Variants in CHCHD3 observed in about 807,000 individuals in gnomAD.
The protein encoded by CHCHD3 is MICOS complex subunit MIC19.
In CHCHD3, 20 loss-of-function variants were observed where a neutral mutation model predicts 38.2. The observed-to-expected ratio is 0.52, with a 90% CI of 0.37 to 0.76. CHCHD3 has a LOEUF of 0.76. Ranked by LOEUF, CHCHD3 falls within the 30% of genes least tolerant of loss-of-function variation. The pLI is 0.00. For missense variants in CHCHD3, 245 were observed against 279.2 expected (o/e 0.88, Z 0.87); for synonymous variants, 82 against 100.0 (o/e 0.82, Z 1.07).
intron 2 of CHCHD3, among the ~76,000 whole-genome samples, chr7:133,043,233 T>C (rs1485706707): frequency 2.0e-5 from 3 of 152,200 alleles, no homozygotes; most frequent in South Asian, 2.1e-4. Flanking sequence ...ATTTAACTTG[T>C]TGCAGCCTTT....
intron 1 of CHCHD3, among the ~76,000 whole-genome samples, chr7:133,077,058 TTA>T (rs1815011369): frequency 1.1e-5 from 1 of 93,138 alleles, no homozygotes; most frequent in Non-Finnish European, 2.9e-5. Flanking sequence ...TCCCAAATAG[TTA>T]GTTAAGAGAA....
At chr7:132,811,916 G>A (rs182569844) in intron 6 of CHCHD3, among the ~76,000 whole-genome samples, 57 of 152,158 alleles carry the variant, frequency 3.7e-4, no homozygotes, top group Middle Eastern at 6.8e-3. Context: ...TGTGTTGGTC[G>A]CTATCTAATT....
chr7:133,006,558 T>C (rs1342874444), intron 3 of CHCHD3, among the ~76,000 whole-genome samples: 2 of 152,094 alleles, frequency 1.3e-5, no homozygotes, highest in African/African-American at 2.4e-5. Flanking sequence ...CATGGTCATA[T>C]GGGCATAACA....
intron 3 of CHCHD3, among the ~76,000 whole-genome samples, chr7:133,001,634 A>G (rs1329325061): frequency 1.3e-5 from 2 of 152,188 alleles, no homozygotes; most frequent in Non-Finnish European, 2.9e-5. Context: ...AATGGCTCCT[A>G]CAAAAGAGAA....
intron 1 of CHCHD3, among the ~76,000 whole-genome samples, 174 bp from the exon 2 acceptor site, chr7:133,070,403 G>A (rs1374999053): frequency 6.6e-6 from 1 of 152,106 alleles, no homozygotes; most frequent in Admixed American, 6.5e-5. Flanking sequence ...TTAAGATTTC[G>A]AGATGCACCC....
intron 3 of CHCHD3, chr7:133,022,309 A>C (rs1290811818): frequency 2.5e-6 from 1 of 405,630 alleles, no homozygotes; most frequent in Admixed American, 2.8e-5. Flanking sequence ...AAAACTTGGC[A>C]CGCAGGGTAT....
At chr7:132,823,384 C>G (rs1807432375) in intron 6 of CHCHD3, among the ~76,000 whole-genome samples, 2 of 152,132 alleles carry the variant, frequency 1.3e-5, no homozygotes, top group Admixed American at 1.3e-4. Flanking sequence ...AACTTAGGCA[C>G]AGTAACAGAC....
At chr7:132,965,765 A>C (rs1333011989) in intron 4 of CHCHD3, among the ~76,000 whole-genome samples, 2 of 152,262 alleles carry the variant, frequency 1.3e-5, no homozygotes, top group Non-Finnish European at 2.9e-5. Context: ...GGCCCATGAC[A>C]GTGACTAGTG....
chr7:132,806,296 TG>T (rs1486468163), intron 6 of CHCHD3, among the ~76,000 whole-genome samples: 1 of 151,980 alleles, frequency 6.6e-6, no homozygotes, highest in Non-Finnish European at 1.5e-5. Context: ...AGGTAGAAAT[TG>T]GTAAAGAAGA....
At position 132,803,636 on chromosome 7, in the gene CHCHD3, T is replaced by A. The variant is rs577685065; in HGVS notation, c.525-7059A>T. On this transcript the variant is annotated intron_variant, in intron 6 of 7. Coordinates refer to ENST00000262570, the MANE Select transcript of CHCHD3 (RefSeq NM_017812.4). ...GATTAAAAACATGAGGGTTGGTTGG[T>A]TCATTTATTCCTTTATCTACTCAGT... 5.9e-5 allele frequency among the ~76,000 whole-genome samples: 9 copies of A among 152,076 alleles called. No homozygotes were observed. The East Asian group carries it at 1.7e-3, about 29-fold the overall frequency.
At chr7:132,933,045 G>C (rs1319012668) in intron 4 of CHCHD3, among the ~76,000 whole-genome samples, 1 of 152,210 alleles carries the variant, frequency 6.6e-6, no homozygotes, top group Non-Finnish European at 1.5e-5. Flanking sequence ...GTCACCTTCA[G>C]ATTCAGATGG....
At chr7:133,061,743 C>T (rs1814522107) in intron 2 of CHCHD3, among the ~76,000 whole-genome samples, 2 of 152,146 alleles carry the variant, frequency 1.3e-5, no homozygotes, top group Admixed American at 1.3e-4. Context: ...TAATTAAAAC[C>T]CATATTTCAA....
At chr7:132,945,895 T>C (rs1017551355) in intron 4 of CHCHD3, among the ~76,000 whole-genome samples, 1 of 151,750 alleles carries the variant, frequency 6.6e-6, no homozygotes, top group African/African-American at 2.4e-5. Context: ...ATTATGCTCA[T>C]GAACATGAGA....
intron 3 of CHCHD3, among the ~76,000 whole-genome samples, chr7:132,991,557 C>CCCT (rs1474968707): frequency 6.6e-6 from 1 of 151,942 alleles, no homozygotes; most frequent in Non-Finnish European, 1.5e-5. Context: ...AGTTACCATA[C>CCCT]CCTCCCCCAA....
intron 4 of CHCHD3, among the ~76,000 whole-genome samples, chr7:132,971,239 A>G (rs1037619760): frequency 3.3e-5 from 5 of 152,180 alleles, no homozygotes; most frequent in Non-Finnish European, 7.3e-5. Flanking sequence ...CCTGATCCTA[A>G]GAAGCATATT....
intron 6 of CHCHD3, among the ~76,000 whole-genome samples, chr7:132,829,181 G>A (rs1169278943): frequency 6.6e-6 from 1 of 152,180 alleles, no homozygotes; most frequent in Non-Finnish European, 1.5e-5. Context: ...AGTTAGAAAT[G>A]TCTTTTCCAA....
At chr7:133,050,868 T>C (rs1254232522) in intron 2 of CHCHD3, among the ~76,000 whole-genome samples, 3 of 151,508 alleles carry the variant, frequency 2.0e-5, no homozygotes, top group Admixed American at 2.0e-4. Context: ...TACAAAAAAT[T>C]AGCCAGGCGT....
At position 132,808,556 on chromosome 7, in the gene CHCHD3, G is replaced by A. The variant is rs58238937; in HGVS notation, c.525-11979C>T. Among the ~76,000 whole-genome samples the A allele has an allele frequency of 9.7e-3, 1,472 of 152,106 alleles. 28 individuals carry two copies. The highest frequency in any genetic ancestry group is 0.034 in the African/African-American group (1,408 of 41,500). On this transcript the variant is annotated intron_variant, in intron 6 of 7. Coordinates refer to ENST00000262570, the MANE Select transcript of CHCHD3 (RefSeq NM_017812.4). The stretch of plus-strand genomic sequence containing the variant: ...AGTAATCTTAGCCATCTGAAGCCAG[G>A]GACTACATCTGACGATCCTTTTAGA...
rs868793846 is a variant in CHCHD3, at chr7:132,944,836, G to T, written c.369+30333C>A. On this transcript the variant is annotated intron_variant, in intron 4 of 7. Coordinates refer to ENST00000262570, the MANE Select transcript of CHCHD3 (RefSeq NM_017812.4). Reference sequence around the variant, plus strand: ...TAAACATTTTGTATAATAAACATTTGCATTTGTTTTAATATAACTGTCAAT... The same window carrying T: ...TAAACATTTTGTATAATAAACATTTTCATTTGTTTTAATATAACTGTCAAT... Among the ~76,000 whole-genome samples the T allele has an allele frequency of 2.0e-4, 30 of 151,998 alleles. 1 individual carries two copies. The highest frequency in any genetic ancestry group is 6.7e-4 in the African/African-American group (28 of 41,498).
Sources: allele counts gnomAD v4.1 joint callset (sites outside exome capture counted in the v4.1 genomes callset), GRCh38; gene constraint gnomAD v4.1.1; transcripts MANE v1.5; gene names NCBI Gene and HGNC (gene_info 2026-07-23, HGNC 2026-07-21).